The following MED4 variants were observed in gnomAD, a reference collection of about 807,000 sequenced individuals.
MED4 encodes mediator complex subunit 4.
A neutral mutation model predicts 35.0 loss-of-function variants in MED4; 21 were observed. That is an observed-to-expected ratio of 0.60 (90% CI 0.43 to 0.86). MED4 has a LOEUF of 0.86. Among genes scored for constraint, MED4 ranks in the 40% least tolerant of loss-of-function variants. The pLI, the probability that MED4 is intolerant of heterozygous loss-of-function variation, is 0.00. For synonymous variants in MED4, 138 were observed against 114.0 expected, an observed-to-expected ratio of 1.21 and a Z score of -1.34; for missense variants, 300 against 319.4, an observed-to-expected ratio of 0.94 and a Z score of 0.46.
chr13:48,079,084 C>T (rs537209737), intron 6 of MED4, among the ~76,000 whole-genome samples: 1 of 152,088 alleles, frequency 6.6e-6, no homozygotes, highest in South Asian at 2.1e-4. Flanking sequence ...AAAAATAGCA[C>T]AAACCTATGA....
Position 48,081,722 on chromosome 13 carries a change from G to A in MED4, c.431C>T (p.Ser144Phe), listed in dbSNP as rs760423114. 6.2e-7 allele frequency: 1 copy of A among 1,608,706 alleles called. No homozygotes were observed. Among genetic ancestry groups the A allele is most frequent in the Admixed American group, 1.7e-5 (1 of 59,248 alleles). The change falls in exon 5 of 7, where the codon TCC becomes TTC. Residue 144 changes from serine to phenylalanine, a missense_variant. Ser to Phe is a radical substitution (Grantham distance 155). Transcript: ENST00000258648. ...TGCATACTTAATTATTTCTTCAGAG[G>A]AGATAGCACCTGAAAGAGTTTTAAG... Reference protein sequence around the residue: ...SIEKARKGAISSEEIIKYAHR... With the variant: ...SIEKARKGAIFSEEIIKYAHR...
At chr13:48,092,543 G>A (rs1021340555) in intron 1 of MED4, among the ~76,000 whole-genome samples, 1 of 152,224 alleles carries the variant, frequency 6.6e-6, no homozygotes, top group African/African-American at 2.4e-5. Flanking sequence ...AGAACAGGAA[G>A]TAAGTTAGGT....
At position 48,083,706 on chromosome 13, in the gene MED4, C is replaced by T. The variant is rs1020277455; in HGVS notation, c.364-278G>A. Among the ~76,000 whole-genome samples, 11 of 152,244 alleles carry T rather than the reference C, an allele frequency of 7.2e-5. No homozygotes were observed. In the Middle Eastern group the frequency reaches 0.01, roughly 141 times the overall value. On this transcript the variant is annotated intron_variant, in intron 3 of 6. Transcript: ENST00000258648. ...TTGTCTTTTTCTTCACGTCTTCTAC[C>T]ATAAACATGCAGAAGACACCCAGAC...
intron 6 of MED4, among the ~76,000 whole-genome samples, chr13:48,078,346 A>G (rs1950777551): frequency 6.6e-6 from 1 of 152,336 alleles, no homozygotes; most frequent in Non-Finnish European, 1.5e-5. Context: ...GTGGGACTCC[A>G]CTAGCAAACA....
At chr13:48,089,484 C>A (rs1443783702) in intron 2 of MED4, among the ~76,000 whole-genome samples, 1 of 152,150 alleles carries the variant, frequency 6.6e-6, no homozygotes, top group Non-Finnish European at 1.5e-5. Context: ...ATAGTCCCAG[C>A]ACTTTGGTAG....
chr13:48,090,657 C>T (rs1458668137), intron 1 of MED4, among the ~76,000 whole-genome samples: 2 of 152,154 alleles, frequency 1.3e-5, no homozygotes, highest in Admixed American at 6.6e-5. Context: ...AAACCTAAGC[C>T]TAATGCTTGG....
intron 6 of MED4, among the ~76,000 whole-genome samples, chr13:48,078,693 T>A (rs542852231): frequency 2.0e-4 from 30 of 152,282 alleles, no homozygotes; most frequent in East Asian, 1.2e-3. Flanking sequence ...TGTTTTTAGG[T>A]CTGTCCCTTC....
chr13:48,079,265 T>C (rs374665692), intron 6 of MED4, among the ~76,000 whole-genome samples: 3 of 152,228 alleles, frequency 2.0e-5, no homozygotes, highest in Admixed American at 1.3e-4. Flanking sequence ...TTACATAGCA[T>C]GTTTCACAAT....
intron 6 of MED4, among the ~76,000 whole-genome samples, chr13:48,078,406 C>G (rs569558630): frequency 4.1e-4 from 63 of 152,264 alleles, no homozygotes; most frequent in Admixed American, 1.2e-3. Context: ...TGCTGTGATG[C>G]CTGGTTGGTG....
At chr13:48,084,357 TTA>T (rs1206101423) in intron 3 of MED4, among the ~76,000 whole-genome samples, 3 of 151,830 alleles carry the variant, frequency 2.0e-5, no homozygotes, top group African/African-American at 7.3e-5. Context: ...GGCAAGTTAG[TTA>T]TTAAAGTATT....
chr13:48,090,500 G>A, intron 1 of MED4, 82 bp from the exon 2 acceptor site: 1 of 1,069,758 alleles, frequency 9.3e-7, no homozygotes, highest in Non-Finnish European at 1.4e-6. Flanking sequence ...GTCCGCTATT[G>A]ACTGTGAACT....
Position 48,077,087 on chromosome 13 carries a change from A to T in MED4, c.*52T>A, listed in dbSNP as rs1950765211. The T allele has an allele frequency of 6.9e-7, 1 of 1,459,110 alleles. No homozygotes were observed. The allele number at this position is 1,459,110 out of a possible 1,614,324, so 90.4% of individuals were successfully genotyped here. On this transcript the variant is annotated 3_prime_UTR_variant, in exon 7 of 7. Transcript: ENST00000258648. Reference sequence around the variant, plus strand: ...AGTTTACATTTCCCTGCTACTGTTAAAGAAACAGAATTCTACAGTATTCAA... The same window carrying T: ...AGTTTACATTTCCCTGCTACTGTTATAGAAACAGAATTCTACAGTATTCAA...
chr13:48,080,931 T>A (rs1419417048), intron 5 of MED4, among the ~76,000 whole-genome samples: 1 of 152,222 alleles, frequency 6.6e-6, no homozygotes, highest in Non-Finnish European at 1.5e-5. Context: ...AATAGCAGTA[T>A]GTGGTTGACA....
chr13:48,093,016 A>C (rs1345926497), intron 1 of MED4, among the ~76,000 whole-genome samples: 1 of 152,192 alleles, frequency 6.6e-6, no homozygotes, highest in Admixed American at 6.5e-5. Context: ...CCAACTGCGA[A>C]AAAGAGGCCA....
At chr13:48,094,763 C>A (rs1566122130) in intron 1 of MED4, among the ~76,000 whole-genome samples, 191 bp downstream of exon 1, 1 of 152,154 alleles carries the variant, frequency 6.6e-6, no homozygotes, top group Non-Finnish European at 1.5e-5. Flanking sequence ...AAAATTCCCT[C>A]TAACGGGAAA....
rs901356798 is a variant in MED4 at position 48,076,981 on chromosome 13, GA to G, written c.*157del. The G allele has an allele frequency of 1.7e-6, 1 of 573,062 alleles. No homozygotes were observed. Among genetic ancestry groups the G allele is most frequent in the Non-Finnish European group, 2.8e-6 (1 of 354,842 alleles). The allele number at this position is 573,062 out of a possible 1,614,324, so 35.5% of individuals were successfully genotyped here. A position where few individuals can be genotyped will look rare whatever the true frequency, so the allele number is the denominator to read the frequency against. On this transcript the variant is annotated 3_prime_UTR_variant, in exon 7 of 7. Transcript: ENST00000258648. ...AAACTATGGTCTTTGGCTTTAAAAA[GA>G]AAGTCAAAAAATTTTGACTTTTAAT...
chr13:48,086,294 T>C lies in MED4; in HGVS notation c.351A>G (p.Ala117=), dbSNP rs1359614726. 6.2e-7 allele frequency: 1 copy of C among 1,613,770 alleles called. No homozygotes were observed. The highest frequency in any genetic ancestry group is 8.5e-7 in the Non-Finnish European group (1 of 1,179,882). ...TCTGTCAACTTACCAGTATTTGTTC[T>C]GCTTCCTTTAGCTGTTTTTGTAGCT... The part of the protein sequence containing the change: ...IQQLQKQLKE[A]EQILATAVYQ... The change falls in exon 3 of 7, where the codon GCA becomes GCG. Residue 117 remains alanine, a synonymous_variant. Coordinates refer to ENST00000258648, the MANE Select transcript of MED4 (RefSeq NM_014166.4).
chr13:48,093,357 C>CTA (rs1950903232), intron 1 of MED4, among the ~76,000 whole-genome samples: 1 of 151,988 alleles, frequency 6.6e-6, no homozygotes, highest in Non-Finnish European at 1.5e-5. Context: ...TCCCGAAAGG[C>CTA]TATATAATCA....
chr13:48,090,498 T>C lies in MED4; in HGVS notation c.126-80A>G, dbSNP rs148689062. ...CAGGGCTACTCCCTACAGTCCGCTA[T>C]TGACTGTGAACTACAGCTCACCAAG... On this transcript the variant is annotated intron_variant, in intron 1 of 6. Transcript: ENST00000258648. 8.4e-4 allele frequency: 944 copies of C among 1,119,008 alleles called. 4 individuals carry two copies. The African/African-American group carries it at 0.013, about 15-fold the overall frequency. 69.3% of individuals were successfully genotyped at this position (1,119,008 alleles called of 1,614,324 possible).
Sources: gnomAD v4.1 joint callset for allele counts (sites outside exome capture counted in the v4.1 genomes callset) on GRCh38, gnomAD v4.1.1 for gene constraint, MANE v1.5 for transcripts, NCBI Gene and HGNC (gene_info 2026-07-23, HGNC 2026-07-21) for gene names.